Variants in RIN2 observed in about 807,000 individuals in gnomAD.
RIN2 encodes Ras and Rab interactor 2.
Under a neutral mutation model 78.0 loss-of-function variants are expected in RIN2, and 36 were observed. That is an observed-to-expected ratio of 0.46 (90% CI 0.35 to 0.61). The LOEUF is 0.61. Ranked by LOEUF, RIN2 falls within the 20% of genes least tolerant of loss-of-function variation. RIN2 has a pLI of 0.00. For synonymous variants in RIN2, 466 were observed against 466.8 expected (o/e 1.00, Z 0.02); for missense variants, 1,087 against 1,159.7 (o/e 0.94, Z 0.91).
At chr20:19,914,893 T>C (rs2039621811) in intron 3 of RIN2, among the ~76,000 whole-genome samples, 1 of 152,092 alleles carries the variant, frequency 6.6e-6, no homozygotes, top group African/African-American at 2.4e-5. Context: ...CAGGGAGAGA[T>C]GAGACTAAGG....
intron 3 of RIN2, among the ~76,000 whole-genome samples, chr20:19,890,463 G>T (rs751504518): frequency 1.1e-4 from 16 of 152,004 alleles, no homozygotes; most frequent in Non-Finnish European, 2.2e-4. Flanking sequence ...AAAAATGGAG[G>T]TAAAATATGC....
chr20:19,823,176 AG>A (rs2035979695), intron 2 of RIN2, among the ~76,000 whole-genome samples: 1 of 152,194 alleles, frequency 6.6e-6, no homozygotes, highest in Non-Finnish European at 1.5e-5. Flanking sequence ...TAATAGTCGT[AG>A]AGCCATAGCA....
At chr20:19,767,032 C>A (rs2033916082) in intron 1 of RIN2, among the ~76,000 whole-genome samples, 2 of 152,072 alleles carry the variant, frequency 1.3e-5, no homozygotes, top group Non-Finnish European at 2.9e-5. Context: ...TGAAGGTTTG[C>A]TGTAAAATCA....
At chr20:19,880,319 G>A (rs746159910) in intron 2 of RIN2, among the ~76,000 whole-genome samples, 16 of 148,116 alleles carry the variant, frequency 1.1e-4, no homozygotes, top group Admixed American at 2.7e-4. Context: ...TGTTGCTGGC[G>A]TTTATCTGTC....
chr20:19,837,784 T>C (rs1324909790), intron 2 of RIN2, among the ~76,000 whole-genome samples: 1 of 152,078 alleles, frequency 6.6e-6, no homozygotes, highest in African/African-American at 2.4e-5. Context: ...CCTTTCCCTC[T>C]CTTTTTCTTT....
rs563172025 is a variant in RIN2 at position 19,914,604 on chromosome 20, G to A, written c.58-20495G>A. Among the ~76,000 whole-genome samples, 16 of 152,290 alleles carry A rather than the reference G, an allele frequency of 1.1e-4. No individual in the cohort carries two copies. In the South Asian group the frequency reaches 2.7e-3, roughly 26 times the overall value. On this transcript the variant is annotated intron_variant, in intron 3 of 12. Transcript: ENST00000255006. ...GCACCCACTATGTAGCCAGCTGGAC[G>A]AGACACTGGATATACCGACCTGGGA...
intron 4 of RIN2, among the ~76,000 whole-genome samples, chr20:19,938,983 G>T (rs1041988229): frequency 3.3e-5 from 5 of 152,108 alleles, no homozygotes; most frequent in Admixed American, 6.5e-5. Flanking sequence ...ACTCATCAAT[G>T]GTGCCTCTAT....
intron 2 of RIN2, among the ~76,000 whole-genome samples, chr20:19,861,811 A>T (rs866218635): frequency 4.7e-5 from 7 of 150,040 alleles, no homozygotes; most frequent in African/African-American, 1.7e-4. Context: ...ATATCTAATG[A>T]TGACCATCCA....
At chr20:19,910,843 C>T (rs1166497237) in intron 3 of RIN2, among the ~76,000 whole-genome samples, 1 of 152,146 alleles carries the variant, frequency 6.6e-6, no homozygotes, top group Non-Finnish European at 1.5e-5. Context: ...GCTGGGATTA[C>T]AGGCGTGAGC....
chr20:19,857,450 G>A (rs1050089429), intron 2 of RIN2, among the ~76,000 whole-genome samples: 4 of 152,030 alleles, frequency 2.6e-5, no homozygotes, highest in African/African-American at 4.8e-5. Context: ...ATTTCTGTAC[G>A]TGTATCTTTT....
Position 19,996,267 on chromosome 20 carries a change from T to C in RIN2, c.2201-412T>C, listed in dbSNP as rs145302246. Among the ~76,000 whole-genome samples, 269 of 152,268 alleles carry C rather than the reference T, an allele frequency of 1.8e-3. 1 individual carries two copies. Among genetic ancestry groups the C allele is most frequent in the African/African-American group, 6.0e-3 (250 of 41,552 alleles). On this transcript the variant is annotated intron_variant, in intron 11 of 12. Coordinates refer to ENST00000255006, the MANE Select transcript of RIN2 (RefSeq NM_018993.4). Reference sequence around the variant, plus strand: ...AGGCGGAGGTTGCAGTGAGCTGAGATTGTGCCACTGCACTCCAGCCTGGGT... The same window carrying C: ...AGGCGGAGGTTGCAGTGAGCTGAGACTGTGCCACTGCACTCCAGCCTGGGT...
intron 2 of RIN2, among the ~76,000 whole-genome samples, chr20:19,856,140 C>T (rs11907801): frequency 0.11 from 16,788 of 152,046 alleles, 933 homozygotes; most frequent in Middle Eastern, 0.14. Flanking sequence ...AAAGATCATA[C>T]CCTGTATATG....
intron 5 of RIN2, among the ~76,000 whole-genome samples, chr20:19,957,429 C>G (rs1176678253): frequency 6.6e-6 from 1 of 152,218 alleles, no homozygotes; most frequent in African/African-American, 2.4e-5. Context: ...GTAATCCCAG[C>G]ACTTTGGGAG....
intron 1 of RIN2, among the ~76,000 whole-genome samples, chr20:19,794,775 G>A (rs2035001995): frequency 6.6e-6 from 1 of 152,010 alleles, no homozygotes; most frequent in Admixed American, 6.6e-5. Context: ...GGGTTTCTAT[G>A]AGAACAGCGA....
intron 2 of RIN2, among the ~76,000 whole-genome samples, chr20:19,810,160 A>C (rs1456018086): frequency 6.6e-6 from 1 of 151,020 alleles, no homozygotes; most frequent in African/African-American, 2.4e-5. Flanking sequence ...GCACTTTGGG[A>C]GGCCAAGGCA....
Position 19,844,600 on chromosome 20 carries a change from C to G in RIN2, c.-37+44853C>G, listed in dbSNP as rs1258317030. Among the ~76,000 whole-genome samples, 303 of 74,810 alleles carry G rather than the reference C, an allele frequency of 4.1e-3. 5 individuals carry two copies. Among genetic ancestry groups the G allele is most frequent in the African/African-American group, 0.013 (282 of 21,280 alleles). The allele number at this position is 74,810 out of a possible 152,430, so 49.1% of individuals were successfully genotyped here. The stretch of plus-strand genomic sequence containing the variant: ...GCTGCTGCTGCTGCTGCTGCTTCTT[C>G]CTCTTCTTCTTCTTCTTCTTCTTCT... On this transcript the variant is annotated intron_variant, in intron 2 of 12. Transcript: ENST00000255006.
intron 3 of RIN2, among the ~76,000 whole-genome samples, chr20:19,926,779 A>T (rs1289388930): frequency 6.6e-6 from 1 of 152,234 alleles, no homozygotes; most frequent in Non-Finnish European, 1.5e-5. Context: ...TATCAGCAAC[A>T]CATCCCTTTT....
intron 3 of RIN2, among the ~76,000 whole-genome samples, chr20:19,908,022 G>A (rs980978977): frequency 6.6e-6 from 1 of 152,162 alleles, no homozygotes; most frequent in African/African-American, 2.4e-5. Flanking sequence ...GCTGAAGCTG[G>A]TTAATGAAGT....
intron 2 of RIN2, among the ~76,000 whole-genome samples, chr20:19,810,794 C>T (rs1253676112): frequency 8.2e-5 from 12 of 147,118 alleles, no homozygotes; most frequent in East Asian, 6.1e-4. Flanking sequence ...CCCGGGTTCA[C>T]GCCATTCTCC....
Sources: allele counts gnomAD v4.1 joint callset (sites outside exome capture counted in the v4.1 genomes callset), GRCh38; gene constraint gnomAD v4.1.1; transcripts MANE v1.5; gene names NCBI Gene and HGNC (gene_info 2026-07-23, HGNC 2026-07-21).